Variants in PDE1A observed in about 807,000 individuals in gnomAD.
The protein encoded by PDE1A is phosphodiesterase 1A.
Under a neutral mutation model 61.7 loss-of-function variants are expected in PDE1A, and 35 were observed. The observed-to-expected ratio is 0.57, with a 90% confidence interval of 0.43 to 0.75. The LOEUF (loss-of-function observed/expected upper bound fraction) is 0.75. Ranked by LOEUF, PDE1A falls within the 30% of genes least tolerant of loss-of-function variation. PDE1A has a pLI of 0.00. For missense variants in PDE1A, 597 were observed against 630.6 expected (o/e 0.95, Z 0.57); for synonymous variants, 232 against 213.2 (o/e 1.09, Z -0.77).
chr2:182,475,287 T>G (rs1024741466), intron 2 of PDE1A, among the ~76,000 whole-genome samples: 2 of 151,830 alleles, frequency 1.3e-5, no homozygotes, highest in African/African-American at 2.4e-5. Context: ...CAGCAACAGG[T>G]GCAGACTAAG....
At chr2:182,298,192 T>C (rs1459786295) in intron 1 of PDE1A, among the ~76,000 whole-genome samples, 1 of 152,122 alleles carries the variant, frequency 6.6e-6, no homozygotes, top group Non-Finnish European at 1.5e-5. Flanking sequence ...TACTTACACA[T>C]AGCATCTGAG....
intron 2 of PDE1A, among the ~76,000 whole-genome samples, chr2:182,488,754 AGTGT>A (rs1688186636): frequency 2.0e-5 from 3 of 152,226 alleles, no homozygotes; most frequent in African/African-American, 7.2e-5. Context: ...AATGCCTATA[AGTGT>A]GTGATGAAAC....
chr2:182,516,744 A>AAG (rs1690195358), intron 2 of PDE1A, among the ~76,000 whole-genome samples: 1 of 71,110 alleles, frequency 1.4e-5, no homozygotes, highest in Non-Finnish European at 3.4e-5. Flanking sequence ...AAGGAAGGAA[A>AAG]AAGAGAGAAA....
rs576213447 is a variant in PDE1A, at chr2:182,271,241, G to A, written c.54-6827C>T. Among the ~76,000 whole-genome samples, 65 of 149,570 alleles carry A rather than the reference G, an allele frequency of 4.3e-4. 1 individual carries two copies. Among genetic ancestry groups the A allele is most frequent in the African/African-American group, 1.5e-3 (63 of 40,822 alleles). On this transcript the variant is annotated intron_variant, in intron 1 of 13. Transcript: ENST00000351439. ...ATGATGGATATGTTAATTTGCTTGA[G>A]TGTACTAATCATTTCACTGTATATG...
chr2:182,681,778 T>C, the PDE1A span, among the ~76,000 whole-genome samples: 2 of 152,092 alleles, frequency 1.3e-5, no homozygotes, highest in Non-Finnish European at 2.9e-5. Flanking sequence ...CCCGAGTAGC[T>C]GGGACTACAG....
chr2:182,628,821 C>G, the PDE1A span, among the ~76,000 whole-genome samples: 1 of 152,098 alleles, frequency 6.6e-6, no homozygotes, highest in East Asian at 1.9e-4. Flanking sequence ...CTCTTGACCC[C>G]CCCAGTGATC....
At chr2:182,312,174 C>G (rs945613751) in intron 1 of PDE1A, among the ~76,000 whole-genome samples, 1 of 151,574 alleles carries the variant, frequency 6.6e-6, no homozygotes, top group African/African-American at 2.4e-5. Context: ...TTTGAGAGTT[C>G]TTTATATATT....
chr2:182,622,199 G>T, the PDE1A span, among the ~76,000 whole-genome samples: 14 of 152,244 alleles, frequency 9.2e-5, no homozygotes, highest in Admixed American at 8.5e-4. Flanking sequence ...TTTTGATATA[G>T]TCCTCTAATC....
intron 13 of PDE1A, among the ~76,000 whole-genome samples, chr2:182,154,280 T>A (rs952001340): frequency 1.3e-5 from 2 of 152,222 alleles, no homozygotes; most frequent in Non-Finnish European, 2.9e-5. Flanking sequence ...GTTTTGATGA[T>A]GATAATCATG....
the PDE1A span, among the ~76,000 whole-genome samples, chr2:182,628,309 A>G: frequency 6.6e-6 from 1 of 152,234 alleles, no homozygotes; most frequent in African/African-American, 2.4e-5. Context: ...AGGAAAAAAT[A>G]CATTCAAGTA....
At chr2:182,504,123 T>C (rs11678948) in intron 2 of PDE1A, among the ~76,000 whole-genome samples, 7,927 of 152,316 alleles carry the variant, frequency 0.052, 248 homozygotes, top group Middle Eastern at 0.099. Context: ...TCACGCTGTA[T>C]ACATTAGTGT....
the PDE1A span, among the ~76,000 whole-genome samples, chr2:182,656,034 C>A: frequency 6.6e-6 from 1 of 152,172 alleles, no homozygotes; most frequent in African/African-American, 2.4e-5. Flanking sequence ...CTTCATCAAG[C>A]CTTTTAAAGC....
At chr2:182,343,044 T>C (rs1332447665) in intron 1 of PDE1A, among the ~76,000 whole-genome samples, 2 of 152,214 alleles carry the variant, frequency 1.3e-5, no homozygotes, top group Non-Finnish European at 1.5e-5. Flanking sequence ...ACTATAATTA[T>C]GTTTTATAAT....
chr2:182,539,782 A>G, the PDE1A span, among the ~76,000 whole-genome samples: 1 of 152,214 alleles, frequency 6.6e-6, no homozygotes, highest in Admixed American at 6.5e-5. Context: ...AATGAAATGC[A>G]TTGTTAATAA....
intron 1 of PDE1A, among the ~76,000 whole-genome samples, chr2:182,370,959 A>G (rs1210627030): frequency 2.6e-5 from 4 of 152,196 alleles, no homozygotes; most frequent in South Asian, 2.1e-4. Flanking sequence ...GAGGCTCTAA[A>G]GTCTTACCAC....
chr2:182,500,064 G>T (rs1688998113), intron 2 of PDE1A, among the ~76,000 whole-genome samples: 1 of 152,230 alleles, frequency 6.6e-6, no homozygotes, highest in Admixed American at 6.5e-5. Context: ...GCACATGATG[G>T]TAATATATTG....
At chr2:182,166,704 T>G (rs1381976048), downstream of PDE1A, among the ~76,000 whole-genome samples, 1 of 152,218 alleles carries the variant, frequency 6.6e-6, no homozygotes, top group Non-Finnish European at 1.5e-5. Context: ...TTATTGTTTC[T>G]GTCCCTCTGG....
intron 7 of PDE1A, among the ~76,000 whole-genome samples, chr2:182,218,732 T>C (rs114096481): frequency 6.6e-6 from 1 of 152,274 alleles, no homozygotes; most frequent in African/African-American, 2.4e-5. Flanking sequence ...GTGATTTTTT[T>C]CCTGTATACC....
Position 182,250,632 on chromosome 2 carries a change from C to T in PDE1A, c.168-10340G>A, listed in dbSNP as rs184216862. On this transcript the variant is annotated intron_variant, in intron 2 of 13. Transcript: ENST00000351439. ...TATTGTTAGCCTCTCCTCGACCCAA[C>T]TTTTTTTTTTAACTGTGAGAAGATG... 3.7e-3 allele frequency among the ~76,000 whole-genome samples: 558 copies of T among 148,970 alleles called. 2 individuals are homozygous for T. Among genetic ancestry groups the T allele is most frequent in the African/African-American group, 0.013 (535 of 40,686 alleles).
Sources: allele counts gnomAD v4.1 joint callset (sites outside exome capture counted in the v4.1 genomes callset), GRCh38; gene constraint gnomAD v4.1.1; transcripts MANE v1.5; gene names NCBI Gene and HGNC (gene_info 2026-07-23, HGNC 2026-07-21).